The following USP48 variants were observed in gnomAD, a reference collection of about 807,000 sequenced individuals.
USP48 encodes ubiquitin specific peptidase 48, also known as ubiquitin carboxyl-terminal hydrolase 48.
USP48 carries 43 observed loss-of-function variants against 150.7 expected under a neutral mutation model. The ratio of observed to expected loss-of-function variants is 0.29; its 90% CI spans 0.22 to 0.37. USP48 has a LOEUF of 0.37. USP48 is among the 10% of genes least tolerant of loss of function. USP48 has a pLI of 1.00. For synonymous variants in USP48, 396 were observed against 425.9 expected (o/e 0.93, Z 0.86); for missense variants, 813 against 1,249.6 (o/e 0.65, Z 5.27).
chr1:21,732,736 TA>T, intron 9 of USP48: 2 of 318,044 alleles, frequency 6.3e-6, no homozygotes, highest in Non-Finnish European at 6.1e-6. Flanking sequence ...ATAGAATTGT[TA>T]AAAATGCCTA....
rs557145064 is a variant in USP48, at chr1:21,782,982, C to A, written c.-25G>T. The stretch of plus-strand genomic sequence containing the variant: ...TGGCCTTGGCCCCAGGAACGCCTCC[C>A]GAGCCAGACCGCCGCAGCCGCCGCC... On this transcript the variant is annotated 5_prime_UTR_variant, in exon 1 of 27. Coordinates refer to ENST00000308271, the MANE Select transcript of USP48 (RefSeq NM_032236.8). 6.6e-7 allele frequency: 1 copy of A among 1,504,170 alleles called. No individual in the cohort carries two copies. Among genetic ancestry groups the A allele is most frequent in the Non-Finnish European group, 8.8e-7 (1 of 1,133,446 alleles). The allele number at this position is 1,504,170 out of a possible 1,614,324, so 93.2% of individuals were successfully genotyped here. A position where few individuals can be genotyped will look rare whatever the true frequency, so the allele number is the denominator to read the frequency against.
intron 15 of USP48, among the ~76,000 whole-genome samples, chr1:21,708,720 A>G (rs966309807): frequency 6.6e-6 from 1 of 151,248 alleles, no homozygotes; most frequent in African/African-American, 2.4e-5. Context: ...TGTCTCTACT[A>G]AAAATACAAA....
intron 22 of USP48, among the ~76,000 whole-genome samples, chr1:21,697,365 GTTGAA>G (rs2097637843): frequency 2.0e-5 from 3 of 152,160 alleles, no homozygotes; most frequent in African/African-American, 4.8e-5. Flanking sequence ...AGTCTCGACT[GTTGAA>G]AGAAAAGGTC....
rs531373847 is a variant in USP48, at chr1:21,772,041, G to A, written c.134+10783C>T. ...GTTCAATAAATGGTTTAAGACAAGT[G>A]AGTAGCCATTTGGTAAAAGGCAAAA... is the stretch of plus-strand genomic sequence containing the variant. On this transcript the variant is annotated intron_variant, in intron 1 of 26. Coordinates refer to ENST00000308271, the MANE Select transcript of USP48 (RefSeq NM_032236.8). Among the ~76,000 whole-genome samples, 16 of 152,210 alleles carry A rather than the reference G, an allele frequency of 1.1e-4. No homozygotes were observed. In the South Asian group the frequency reaches 3.3e-3, roughly 32 times the overall value.
chr1:21,748,364 T>A, intron 6 of USP48, 93 bp from the exon 7 acceptor site: 2 of 1,214,086 alleles, frequency 1.6e-6, no homozygotes, highest in Non-Finnish European at 2.3e-6. Context: ...TCATTTCAGT[T>A]AATAGCTCTC....
intron 6 of USP48, among the ~76,000 whole-genome samples, chr1:21,748,703 G>T (rs2097801501): frequency 6.6e-6 from 1 of 152,248 alleles, no homozygotes; most frequent in Admixed American, 6.5e-5. Flanking sequence ...TTGAGGCCAG[G>T]AATTCGAGAC....
chr1:21,779,073 G>A (rs1208022681), intron 1 of USP48, among the ~76,000 whole-genome samples: 2 of 151,648 alleles, frequency 1.3e-5, no homozygotes, highest in East Asian at 2.0e-4. Flanking sequence ...GAGCCACCAC[G>A]CCCAGCAAAA....
chr1:21,703,438 G>T, intron 21 of USP48, 74 bp downstream of exon 21: 2 of 1,188,326 alleles, frequency 1.7e-6, no homozygotes, highest in Non-Finnish European at 2.5e-6. Context: ...GACCCTCAGT[G>T]CAAATACAAC....
At chr1:21,741,384 T>G (rs2097781197) in intron 8 of USP48, among the ~76,000 whole-genome samples, 2 of 152,250 alleles carry the variant, frequency 1.3e-5, no homozygotes, top group Admixed American at 6.5e-5. Flanking sequence ...GGCAACAGAA[T>G]GCTATCTTCT....
chr1:21,754,555 C>A (rs1418447274), intron 3 of USP48, among the ~76,000 whole-genome samples: 1 of 152,194 alleles, frequency 6.6e-6, no homozygotes, highest in Admixed American at 6.5e-5. Context: ...GAGATGGGCT[C>A]TGCAAATACT....
chr1:21,706,895 A>G, intron 15 of USP48, 27 bp from the exon 16 acceptor site: 1 of 1,567,036 alleles, frequency 6.4e-7, no homozygotes, highest in Non-Finnish European at 8.6e-7. Context: ...ATATTTGGAA[A>G]AAAAAAAAAC....
At chr1:21,734,114 A>G (rs1055965405) in intron 9 of USP48, among the ~76,000 whole-genome samples, 1 of 152,218 alleles carries the variant, frequency 6.6e-6, no homozygotes, top group Non-Finnish European at 1.5e-5. Context: ...AAAGTAGAAA[A>G]CAGGTTGGGC....
chr1:21,767,417 T>C (rs1045582830), intron 1 of USP48, among the ~76,000 whole-genome samples: 1 of 152,110 alleles, frequency 6.6e-6, no homozygotes, highest in Admixed American at 6.6e-5. Context: ...CTCCACCTCC[T>C]GGTTTCAAGT....
Position 21,695,082 on chromosome 1 carries a change from T to C in USP48, c.2867A>G (p.Lys956Arg). ...ALLVSANQTLKELKIQIMHAF... is the reference protein window; with the variant it reads ...ALLVSANQTLRELKIQIMHAF... The stretch of plus-strand genomic sequence containing the variant: ...TTCCCTCACCTGAATTTTCAATTCT[T>C]TTAACGTCTGATTAGCAGAAACGAG... Residue 956 changes from lysine to arginine, a missense_variant, in exon 23 of 27, where the codon AAA (lysine) becomes AGA (arginine). Lys to Arg is a conservative substitution (Grantham distance 26, BLOSUM62 2). Coordinates refer to ENST00000308271, the MANE Select transcript of USP48 (RefSeq NM_032236.8). 1 of 1,611,488 alleles carries C rather than the reference T, an allele frequency of 6.2e-7. No individual in the cohort carries two copies. The highest frequency in any genetic ancestry group is 8.5e-7 in the Non-Finnish European group (1 of 1,179,282).
chr1:21,724,474 A>C, intron 11 of USP48: 10 of 369,154 alleles, frequency 2.7e-5, no homozygotes, highest in East Asian at 1.3e-4. Flanking sequence ...ACACAACCTC[A>C]TGCCCTACTG....
At position 21,752,987 on chromosome 1, in the gene USP48, C is replaced by A. The variant is rs911674930; in HGVS notation, c.540+5G>T. The A allele has an allele frequency of 8.8e-6, 14 of 1,582,626 alleles. No individual in the cohort carries two copies. The highest frequency in any genetic ancestry group is 1.2e-5 in the Non-Finnish European group (14 of 1,172,470). The stretch of plus-strand genomic sequence containing the variant: ...TTTAAAAAAAAAAAAAAATTCAGTT[C>A]TTACCTGCTGTTGTCCAGTGTCCAG... On this transcript the variant is annotated splice_donor_5th_base_variant and intron_variant, in intron 4 of 26. Coordinates refer to ENST00000308271, the MANE Select transcript of USP48 (RefSeq NM_032236.8).
chr1:21,720,862 C>A (rs1420246552), intron 14 of USP48, among the ~76,000 whole-genome samples, 174 bp downstream of exon 14: 2 of 152,138 alleles, frequency 1.3e-5, no homozygotes, highest in African/African-American at 4.8e-5. Flanking sequence ...CAGGGTCTCA[C>A]TCTGTTACCC....
Position 21,706,791 on chromosome 1 carries a change from T to C in USP48, c.2041A>G (p.Lys681Glu), listed in dbSNP as rs2097673946. ...AWSKLQQYFP[K>E]APEFPSYKEC... Reference sequence around the variant, plus strand: ...TTGTAACTTGGAAACTCAGGAGCCTTTGGAAAGTACTGCTGCAGTTTGCTC... The same window carrying C: ...TTGTAACTTGGAAACTCAGGAGCCTCTGGAAAGTACTGCTGCAGTTTGCTC... Residue 681 changes from lysine (K) to glutamate (E), a missense_variant, in exon 16 of 27, where the codon AAG becomes GAG. Physicochemically the swap from Lys to Glu is moderately conservative, Grantham distance 56. Coordinates refer to ENST00000308271, the MANE Select transcript of USP48 (RefSeq NM_032236.8). The C allele has an allele frequency of 6.2e-7, 1 of 1,613,892 alleles. No homozygotes were observed. The highest frequency in any genetic ancestry group is 1.7e-5 in the Admixed American group (1 of 59,978).
intron 22 of USP48, among the ~76,000 whole-genome samples, chr1:21,698,249 A>T (rs950892938): frequency 2.6e-5 from 4 of 152,196 alleles, no homozygotes; most frequent in African/African-American, 9.6e-5. Flanking sequence ...TGAGCCAAAA[A>T]TTTTTTGTGA....
Sources: gnomAD v4.1 joint callset for allele counts (sites outside exome capture counted in the v4.1 genomes callset) on GRCh38, gnomAD v4.1.1 for gene constraint, MANE v1.5 for transcripts, NCBI Gene and HGNC (gene_info 2026-07-23, HGNC 2026-07-21) for gene names.